Variants in F11 observed in about 807,000 individuals in gnomAD.
The protein encoded by F11 is coagulation factor XI, also known as coagualtion factor XI.
F11 carries 78 observed loss-of-function variants against 76.5 expected under a neutral mutation model. The observed-to-expected ratio is 1.02, with a 90% CI of 0.85 to 1.23. The LOEUF (loss-of-function observed/expected upper bound fraction) is 1.23. Ranked by LOEUF, F11 falls within the 50% of genes most tolerant of loss-of-function variation. The probability of loss-of-function intolerance (pLI) is 0.00; values close to 1 mark genes in which losing one functional copy is unlikely to be tolerated. For missense variants in F11, 742 were observed against 771.4 expected (o/e 0.96, Z 0.45); for synonymous variants, 278 against 276.3 (o/e 1.01, Z -0.06).
chr4:186,280,114 C>A lies in F11; in HGVS notation c.858C>A (p.Ser286Arg), dbSNP rs1740685442. The A allele has an allele frequency of 1.9e-6, 3 of 1,614,136 alleles. No individual in the cohort carries two copies. The East Asian group carries it at 6.7e-5, about 36-fold the overall frequency. The change falls in exon 8 of 15, where the codon AGC becomes AGA. Residue 286 changes from serine to arginine, a missense_variant. Physicochemically the swap from Ser to Arg is moderately radical, Grantham distance 110. Transcript: ENST00000403665. Reference protein sequence around the residue: ...SGFSLQSCRHSIPVFCHSSFY... With the variant: ...SGFSLQSCRHRIPVFCHSSFY... ...TCAGTCTACAAAGCTGCAGGCACAGCATCCCAGGTAAACTGAGAGTTCTGC... is the reference window on the plus strand; with the variant it reads ...TCAGTCTACAAAGCTGCAGGCACAGAATCCCAGGTAAACTGAGAGTTCTGC...
intron 5 of F11, chr4:186,274,487 C>T (rs1740223210): frequency 3.3e-6 from 2 of 611,812 alleles, no homozygotes; most frequent in Admixed American, 2.9e-5. Flanking sequence ...TTTAATAACA[C>T]TGTCAGAAAA....
At chr4:186,267,103 G>A (rs1561476502) in intron 1 of F11, 33 bp from the exon 2 acceptor site, 6 of 1,398,264 alleles carry the variant, frequency 4.3e-6, no homozygotes, top group Admixed American at 1.7e-5. Context: ...TACATTTTAT[G>A]TTCTAAAAGC....
intron 7 of F11, among the ~76,000 whole-genome samples, chr4:186,278,571 T>C (rs889912166): frequency 6.6e-6 from 1 of 152,110 alleles, no homozygotes; most frequent in African/African-American, 2.4e-5. Flanking sequence ...TGCTGATAGG[T>C]TGGACCACGG....
intron 2 of F11, among the ~76,000 whole-genome samples, chr4:186,270,799 T>A (rs1461812701): frequency 6.6e-6 from 1 of 150,898 alleles, no homozygotes; most frequent in Non-Finnish European, 1.5e-5. Context: ...GCTCAGGAGA[T>A]CCTCCTACCT....
At chr4:186,270,939 C>G (rs991531081) in intron 2 of F11, among the ~76,000 whole-genome samples, 1 of 150,896 alleles carries the variant, frequency 6.6e-6, no homozygotes, top group African/African-American at 2.4e-5. Flanking sequence ...CTCCTCAGCT[C>G]AAGCAATCTA....
In F11 at chr4:186,288,445, C is replaced by T. The variant is rs368217340; in HGVS notation, c.1717-8C>T. The T allele has an allele frequency of 1.4e-4, 227 of 1,613,918 alleles. 1 individual carries two copies. Among genetic ancestry groups the T allele is most frequent in the South Asian group, 5.1e-4 (46 of 91,078 alleles). ...CTGTGCACCTTTTCTTGTCTCCCCTCGTTCTAGGGAGATTCGGGAGGCCCT... is the reference window on the plus strand; with the variant it reads ...CTGTGCACCTTTTCTTGTCTCCCCTTGTTCTAGGGAGATTCGGGAGGCCCT... On this transcript the variant is annotated splice_region_variant and splice_polypyrimidine_tract_variant and intron_variant, in intron 14 of 14. Transcript: ENST00000403665.
chr4:186,290,304 G>A (rs542369977), downstream of F11, among the ~76,000 whole-genome samples: 17 of 152,214 alleles, frequency 1.1e-4, no homozygotes, highest in African/African-American at 4.1e-4. Context: ...ACATAACGGG[G>A]CCAGATCAAA....
chr4:186,287,883 G>A (rs1483024900), intron 14 of F11, 60 bp downstream of exon 14: 1 of 1,564,442 alleles, frequency 6.4e-7, no homozygotes, highest in Non-Finnish European at 8.7e-7. Flanking sequence ...ATGCGTTGGG[G>A]TTTTTTTGTT....
intron 7 of F11, among the ~76,000 whole-genome samples, chr4:186,277,205 T>A (rs1475379710): frequency 6.6e-6 from 1 of 152,208 alleles, no homozygotes; most frequent in East Asian, 1.9e-4. Flanking sequence ...TAGCCTCCAG[T>A]TCTATCCATG....
Position 186,275,914 on chromosome 4 carries a change from G to T in F11, c.595+18G>T. On this transcript the variant is annotated intron_variant, in intron 6 of 14. Transcript: ENST00000403665. Reference sequence around the variant, plus strand: ...TAATCTGGGTAATTATCGACTTCTTGATGATGTAATTCAACCATTAAATAT... The same window carrying T: ...TAATCTGGGTAATTATCGACTTCTTTATGATGTAATTCAACCATTAAATAT... 6.4e-7 allele frequency: 1 copy of T among 1,558,136 alleles called. No individual in the cohort carries two copies. Among genetic ancestry groups the T allele is most frequent in the Non-Finnish European group, 8.8e-7 (1 of 1,132,976 alleles).
chr4:186,274,531 A>T, intron 5 of F11: 1 of 498,160 alleles, frequency 2.0e-6, no homozygotes, highest in East Asian at 3.8e-5. Flanking sequence ...AAAGCGCTAC[A>T]CTTTTAAATT....
rs1320874598 is a variant in F11, at chr4:186,266,263, A to G, written c.-34A>G. The G allele has an allele frequency of 6.6e-6, 1 of 152,198 alleles. No individual in the cohort carries two copies. Among genetic ancestry groups the G allele is most frequent in the Non-Finnish European group, 1.5e-5 (1 of 68,024 alleles). 9.4% of individuals were successfully genotyped at this position (152,198 alleles called of 1,614,324 possible). ...AGGAAGAAAAGCACCCTTATTAAGAATTGCAGCAAGTAAGCCAACAAGGTC... is the reference window on the plus strand; with the variant it reads ...AGGAAGAAAAGCACCCTTATTAAGAGTTGCAGCAAGTAAGCCAACAAGGTC... On this transcript the variant is annotated 5_prime_UTR_variant, in exon 1 of 15. Transcript: ENST00000403665.
chr4:186,286,713 A>G (rs1561491642), intron 13 of F11: 7 of 985,284 alleles, frequency 7.1e-6, no homozygotes, highest in Non-Finnish European at 8.4e-6. Context: ...ATGTGACTAA[A>G]TCTCTTTAAA....
At chr4:186,270,536 G>C (rs1203328270) in intron 2 of F11, among the ~76,000 whole-genome samples, 1 of 151,826 alleles carries the variant, frequency 6.6e-6, no homozygotes, top group African/African-American at 2.4e-5. Context: ...ATTTTTCAAC[G>C]CTCACCCCAC....
Position 186,273,134 on chromosome 4 carries a change from G to T in F11, c.282G>T (p.Ala94=). The T allele has an allele frequency of 1.2e-6, 2 of 1,614,022 alleles. No individual in the cohort carries two copies. Among genetic ancestry groups the T allele is most frequent in the Non-Finnish European group, 1.7e-6 (2 of 1,179,932 alleles). The change falls in exon 4 of 15, where the codon GCG becomes GCT. Residue 94 remains alanine, a synonymous_variant. Coordinates refer to ENST00000403665, the MANE Select transcript of F11 (RefSeq NM_000128.4). ...TGCCAAGAGTGAATAGGACAGCAGC[G>T]ATTTCTGGGTATTCTTTCAAGCAAT... ...ETLPRVNRTA[A]ISGYSFKQCS...
intron 1 of F11, 85 bp downstream of exon 1, chr4:186,266,380 A>C (rs1437764464): frequency 6.6e-6 from 1 of 152,238 alleles, no homozygotes. Context: ...GAATTTAAAA[A>C]CACTTTACAA....
intron 5 of F11, chr4:186,275,249 G>C (rs1318908476): frequency 1.1e-5 from 5 of 452,246 alleles, no homozygotes; most frequent in Non-Finnish European, 2.2e-5. Flanking sequence ...CCAGCACTTT[G>C]GGAGGCCGAG....
chr4:186,278,829 T>A (rs1740572398), intron 7 of F11, among the ~76,000 whole-genome samples: 1 of 152,166 alleles, frequency 6.6e-6, no homozygotes, highest in Non-Finnish European at 1.5e-5. Context: ...AAAAATCTAG[T>A]GAAATTATCA....
chr4:186,274,017 T>C, intron 4 of F11, 99 bp from the exon 5 acceptor site: 2 of 1,337,018 alleles, frequency 1.5e-6, no homozygotes. Context: ...TGAGGAAAGG[T>C]GGGTGAAAAA....
Sources: allele counts gnomAD v4.1 joint callset (sites outside exome capture counted in the v4.1 genomes callset), GRCh38; gene constraint gnomAD v4.1.1; transcripts MANE v1.5; gene names NCBI Gene and HGNC (gene_info 2026-07-23, HGNC 2026-07-21).